KLHL4: variants seen among roughly 807,000 people sequenced by gnomAD.
The protein encoded by KLHL4 is kelch like family member 4.
KLHL4 carries 17 observed loss-of-function variants against 45.8 expected under a neutral mutation model. That is an observed-to-expected ratio of 0.37 (90% CI 0.25 to 0.56). The LOEUF is 0.56. Among genes scored for constraint, KLHL4 ranks in the 20% least tolerant of loss-of-function variants. The pLI, the probability that KLHL4 is intolerant of heterozygous loss-of-function variation, is 0.79. For synonymous variants in KLHL4, 224 were observed against 189.9 expected, an observed-to-expected ratio of 1.18 and a Z score of -1.47; for missense variants, 544 against 544.9, an observed-to-expected ratio of 1.00 and a Z score of 0.02.
chrX:87,565,027 C>A (rs756192050), intron 1 of KLHL4, among the ~76,000 whole-genome samples: 7 of 111,769 alleles, frequency 6.3e-5, no homozygotes, highest in Non-Finnish European at 1.3e-4. Context: ...GTGAAAAATT[C>A]ACAAATATTT....
chrX:87,562,558 A>C (rs1038409085), intron 1 of KLHL4, among the ~76,000 whole-genome samples: 9 of 110,396 alleles, frequency 8.2e-5, no homozygotes, highest in Non-Finnish European at 1.5e-4. Flanking sequence ...TAAAAAAAAA[A>C]AATTGTCTTT....
Position 87,666,754 on chromosome X carries a change from A to G in KLHL4, c.*220A>G, listed in dbSNP as rs1924382973. The stretch of plus-strand genomic sequence containing the variant: ...AATTATTAAGCATATGTGCTTTCGC[A>G]GCTGATAATATAAAAGGAAATCCCA... On this transcript the variant is annotated 3_prime_UTR_variant, in exon 11 of 11. Coordinates refer to ENST00000373119, the MANE Select transcript of KLHL4 (RefSeq NM_019117.5). The G allele has an allele frequency of 1.1e-6, 1 of 926,703 alleles. No homozygotes were observed. Among genetic ancestry groups the G allele is most frequent in the Admixed American group, 5.7e-5 (1 of 17,656 alleles). The allele number at this position is 926,703 out of a possible 1,213,427, so 76.4% of individuals were successfully genotyped here. A position where few individuals can be genotyped will look rare whatever the true frequency, so the allele number is the denominator to read the frequency against.
At chrX:87,594,692 C>G (rs1415776040) in intron 1 of KLHL4, among the ~76,000 whole-genome samples, 2 of 111,760 alleles carry the variant, frequency 1.8e-5, no homozygotes, top group East Asian at 5.6e-4. Context: ...TACAGATCCA[C>G]TAGAATTCAG....
At chrX:87,529,648 G>A (rs1259087005) in intron 1 of KLHL4, among the ~76,000 whole-genome samples, 1 of 111,400 alleles carries the variant, frequency 9.0e-6, no homozygotes, top group Non-Finnish European at 1.9e-5. Flanking sequence ...GAAAATGTTT[G>A]TTTCCAGAAC....
chrX:87,622,159 A>G lies in KLHL4; in HGVS notation c.925-52A>G. 8 of 812,968 alleles carry G rather than the reference A, an allele frequency of 9.8e-6. No individual in the cohort carries two copies. The South Asian group carries it at 1.6e-4, about 16-fold the overall frequency. 67.0% of individuals were successfully genotyped at this position (812,968 alleles called of 1,213,427 possible). A position where few individuals can be genotyped will look rare whatever the true frequency, so the allele number is the denominator to read the frequency against. On this transcript the variant is annotated intron_variant, in intron 4 of 10. Transcript: ENST00000373119. The stretch of plus-strand genomic sequence containing the variant: ...TGAAATTCTTTGATATGCTTATTCC[A>G]TTAAGAAATTTCTAAAGTGCAAAGT...
At chrX:87,648,924 G>A (rs1001372921) in intron 9 of KLHL4, among the ~76,000 whole-genome samples, 7 of 111,283 alleles carry the variant, frequency 6.3e-5, no homozygotes, top group Non-Finnish European at 1.1e-4. Context: ...ATACTATAAT[G>A]TACTAGATTC....
At chrX:87,650,335 C>A (rs1439177069) in intron 9 of KLHL4, among the ~76,000 whole-genome samples, 3 of 111,597 alleles carry the variant, frequency 2.7e-5, no homozygotes. Flanking sequence ...TGGACTCAAG[C>A]AATCTGACCA....
At chrX:87,614,371 T>C in intron 2 of KLHL4, 63 bp from the exon 3 acceptor site, 2 of 1,071,430 alleles carry the variant, frequency 1.9e-6, no homozygotes, top group Non-Finnish European at 2.6e-6. Flanking sequence ...GCTGAATCCA[T>C]TTCATGCTTT....
At chrX:87,623,245 T>C (rs1182382175) in intron 5 of KLHL4, among the ~76,000 whole-genome samples, 1 of 109,569 alleles carries the variant, frequency 9.1e-6, no homozygotes, top group African/African-American at 3.3e-5. Context: ...AATGTTAATA[T>C]TGAAAAATAG....
In KLHL4 at chrX:87,669,510, A is replaced by T. The variant is rs1924493232; in HGVS notation, c.*2976A>T. ...AGACAGTTTCCTTCTGGAGTTCCAA[A>T]TGCAATATAGAAAAAAAAACCCTGT... On this transcript the variant is annotated 3_prime_UTR_variant, in exon 11 of 11. Coordinates refer to ENST00000373119, the MANE Select transcript of KLHL4 (RefSeq NM_019117.5). The T allele has an allele frequency of 1.1e-6, 1 of 908,136 alleles. No individual in the cohort carries two copies. Among genetic ancestry groups the T allele is most frequent in the Non-Finnish European group, 1.5e-6 (1 of 685,704 alleles). 74.8% of individuals were successfully genotyped at this position (908,136 alleles called of 1,213,427 possible). A position where few individuals can be genotyped will look rare whatever the true frequency, so the allele number is the denominator to read the frequency against.
intron 1 of KLHL4, among the ~76,000 whole-genome samples, chrX:87,569,900 G>C (rs1932298606): frequency 9.0e-6 from 1 of 111,174 alleles, no homozygotes; most frequent in African/African-American, 3.3e-5. Context: ...AATAAATGTT[G>C]ATGATGGTTG....
At chrX:87,562,669 AC>A (rs1932124886) in intron 1 of KLHL4, among the ~76,000 whole-genome samples, 1 of 110,964 alleles carries the variant, frequency 9.0e-6, no homozygotes, top group African/African-American at 3.3e-5. Flanking sequence ...CTCTAGACAC[AC>A]CCTGGGATAG....
chrX:87,621,474 T>C (rs184870624), intron 4 of KLHL4, among the ~76,000 whole-genome samples: 2,224 of 105,814 alleles, frequency 0.021, 24 homozygotes, highest in Middle Eastern at 0.069. Flanking sequence ...AATTGAGATA[T>C]AATATATAAA....
intron 1 of KLHL4, among the ~76,000 whole-genome samples, chrX:87,580,255 A>G (rs1321690849): frequency 9.1e-6 from 1 of 109,947 alleles, no homozygotes; most frequent in Non-Finnish European, 1.9e-5. Context: ...AATGCATATC[A>G]CTACAAAAAA....
chrX:87,641,512 A>T (rs964742833), intron 9 of KLHL4, among the ~76,000 whole-genome samples: 2 of 111,638 alleles, frequency 1.8e-5, no homozygotes, highest in Admixed American at 1.9e-4. Context: ...TGAACTTTGT[A>T]ACAATTTGAA....
intron 6 of KLHL4, among the ~76,000 whole-genome samples, chrX:87,628,360 G>A (rs998022263): frequency 3.7e-5 from 4 of 109,296 alleles, no homozygotes; most frequent in African/African-American, 1.3e-4. Flanking sequence ...AGAATCTATT[G>A]GAAAACCAGG....
chrX:87,603,717 A>G (rs1922092946), intron 1 of KLHL4, among the ~76,000 whole-genome samples: 1 of 110,469 alleles, frequency 9.1e-6, no homozygotes, highest in Non-Finnish European at 1.9e-5. Context: ...AAATATATGT[A>G]TTTATTTCTT....
intron 9 of KLHL4, among the ~76,000 whole-genome samples, chrX:87,650,867 G>A (rs979541010): frequency 9.0e-6 from 1 of 111,574 alleles, no homozygotes; most frequent in African/African-American, 3.3e-5. Flanking sequence ...CTTCTTACAC[G>A]GTAGCAGCAA....
chrX:87,564,369 G>A (rs1256377310), intron 1 of KLHL4, among the ~76,000 whole-genome samples: 4 of 109,711 alleles, frequency 3.6e-5, no homozygotes, highest in African/African-American at 1.3e-4. Context: ...ATTACCATCA[G>A]TTTAAAATAA....
Sources: allele counts gnomAD v4.1 joint callset (sites outside exome capture counted in the v4.1 genomes callset), GRCh38; gene constraint gnomAD v4.1.1; transcripts MANE v1.5; gene names NCBI Gene and HGNC (gene_info 2026-07-23, HGNC 2026-07-21).